The following ATP6V0A1 variants were observed in gnomAD, a reference collection of about 807,000 sequenced individuals.
ATP6V0A1 encodes the protein V-type proton ATPase 116 kDa subunit a 1.
In ATP6V0A1, 43 loss-of-function variants were observed where a neutral mutation model predicts 105.4. The observed-to-expected ratio is 0.41, with a 90% confidence interval of 0.32 to 0.53. ATP6V0A1 has a LOEUF of 0.53. Among genes scored for constraint, ATP6V0A1 ranks in the 20% least tolerant of loss-of-function variants. ATP6V0A1 has a pLI of 0.30. For missense variants in ATP6V0A1, 676 were observed against 1,051.1 expected, an observed-to-expected ratio of 0.64 and a Z score of 4.93; for synonymous variants, 362 against 372.8, an observed-to-expected ratio of 0.97 and a Z score of 0.33.
At chr17:42,468,128 C>T (rs1195795542) in intron 4 of ATP6V0A1, 21 bp downstream of exon 4, 1 of 1,500,576 alleles carries the variant, frequency 6.7e-7, no homozygotes, top group Admixed American at 2.0e-5. Context: ...CTGGGAAAAC[C>T]AGAAAAGTTT....
chr17:42,486,280 G>A (rs146181332), intron 9 of ATP6V0A1, among the ~76,000 whole-genome samples: 3,126 of 152,074 alleles, frequency 0.021, 50 homozygotes, highest in Non-Finnish European at 0.034. Context: ...GCATGGTGGC[G>A]CGCGCCTGTA....
chr17:42,519,666 T>C (rs2092760722), intron 21 of ATP6V0A1: 2 of 152,204 alleles, frequency 1.3e-5, no homozygotes, highest in Non-Finnish European at 2.9e-5. Context: ...TGTTGGGACG[T>C]GGGTGAATCC....
At chr17:42,482,374 TA>T (rs2089619827) in intron 8 of ATP6V0A1, among the ~76,000 whole-genome samples, 1 of 151,754 alleles carries the variant, frequency 6.6e-6, no homozygotes, top group African/African-American at 2.4e-5. Flanking sequence ...CTTAAACTCC[TA>T]GACTCAAGCA....
At chr17:42,460,807 G>A in intron 1 of ATP6V0A1, 41 bp from the exon 2 acceptor site, 3 of 1,067,216 alleles carry the variant, frequency 2.8e-6, no homozygotes, top group Non-Finnish European at 4.3e-6. Flanking sequence ...CTTAGCCCTC[G>A]TGGTAATTTC....
chr17:42,477,604 A>G (rs1420225808), intron 5 of ATP6V0A1, 56 bp from the exon 6 acceptor site: 3 of 1,587,488 alleles, frequency 1.9e-6, no homozygotes, highest in African/African-American at 1.3e-5. Context: ...GCCACTAACT[A>G]TTTTCATTAG....
intron 21 of ATP6V0A1, chr17:42,520,264 G>A (rs2092784620): frequency 2.8e-6 from 1 of 360,598 alleles, no homozygotes; most frequent in Non-Finnish European, 5.5e-6. Flanking sequence ...TGGTTTGGTT[G>A]CTGGGCAGCT....
chr17:42,495,026 G>A lies in ATP6V0A1; in HGVS notation c.1315-8G>A, dbSNP rs376669289. 1.2e-6 allele frequency: 2 copies of A among 1,611,738 alleles called. No individual in the cohort carries two copies. Among genetic ancestry groups the A allele is most frequent in the African/African-American group, 2.7e-5 (2 of 74,790 alleles). ...ACATTCTCATTACTTCTTTCTTCTGGTTCCCAGATGTTTAGCACTGTGTTC... is the reference window on the plus strand; with the variant it reads ...ACATTCTCATTACTTCTTTCTTCTGATTCCCAGATGTTTAGCACTGTGTTC... On this transcript the variant is annotated splice_polypyrimidine_tract_variant and splice_region_variant and intron_variant, in intron 12 of 21. Transcript: ENST00000343619.
At chr17:42,479,345 T>C (rs926643503) in intron 7 of ATP6V0A1, among the ~76,000 whole-genome samples, 1 of 152,252 alleles carries the variant, frequency 6.6e-6, no homozygotes, top group Non-Finnish European at 1.5e-5. Flanking sequence ...AGTTTAAGAA[T>C]AGATATCGCA....
intron 21 of ATP6V0A1, among the ~76,000 whole-genome samples, chr17:42,515,782 C>T (rs1476151179): frequency 6.6e-6 from 1 of 152,090 alleles, no homozygotes; most frequent in Non-Finnish European, 1.5e-5. Context: ...GAGTGAAACT[C>T]GGTCTCAAAA....
rs751503443 is a variant in ATP6V0A1, at chr17:42,477,654, C to T, written c.424-6C>T. On this transcript the variant is annotated splice_region_variant and splice_polypyrimidine_tract_variant and intron_variant, in intron 5 of 21. Transcript: ENST00000343619. ...GTGAATTCAGGCTGAATTGCATCAT[C>T]AGCAGATGGCGGATCCAGACTTGTT... The T allele has an allele frequency of 1.2e-6, 2 of 1,613,578 alleles. No individual in the cohort carries two copies. The highest frequency in any genetic ancestry group is 1.1e-5 in the South Asian group (1 of 90,972).
chr17:42,497,402 G>A (rs1393732372), intron 14 of ATP6V0A1, among the ~76,000 whole-genome samples: 1 of 151,880 alleles, frequency 6.6e-6, no homozygotes, highest in Non-Finnish European at 1.5e-5. Flanking sequence ...GCTGGGCACG[G>A]TGGCTCACAC....
chr17:42,508,730 C>A, intron 19 of ATP6V0A1, 141 bp downstream of exon 19: 3 of 1,164,252 alleles, frequency 2.6e-6, no homozygotes, highest in South Asian at 1.4e-5. Context: ...CATTTCAAAC[C>A]AGTTCGTGAG....
chr17:42,473,489 G>A (rs1377675464), intron 5 of ATP6V0A1, among the ~76,000 whole-genome samples: 1 of 152,206 alleles, frequency 6.6e-6, no homozygotes, highest in Non-Finnish European at 1.5e-5. Context: ...GCTCACAGAT[G>A]TGTGCTTTTC....
chr17:42,495,014 T>G lies in ATP6V0A1; in HGVS notation c.1315-20T>G. 1 of 1,610,532 alleles carries G rather than the reference T, an allele frequency of 6.2e-7. No individual in the cohort carries two copies. Among genetic ancestry groups the G allele is most frequent in the South Asian group, 1.1e-5 (1 of 91,018 alleles). ...GCTGCAGTGAGTACATTCTCATTAC[T>G]TCTTTCTTCTGGTTCCCAGATGTTT... is the stretch of plus-strand genomic sequence containing the variant. On this transcript the variant is annotated intron_variant, in intron 12 of 21. Coordinates refer to ENST00000343619, the MANE Select transcript of ATP6V0A1 (RefSeq NM_001130021.3).
Position 42,495,752 on chromosome 17 carries a change from T to A in ATP6V0A1, c.1560+36T>A, listed in dbSNP as rs778777037. 1.3e-5 allele frequency: 20 copies of A among 1,508,854 alleles called. No individual in the cohort carries two copies. The African/African-American group carries it at 2.3e-4, about 18-fold the overall frequency. The allele number at this position is 1,508,854 out of a possible 1,614,324, so 93.5% of individuals were successfully genotyped here. ...TTCCTTCCTATATGCTAACCTCAAA[T>A]TTTTTAACACTAACCCTGAAGCAAG... is the stretch of plus-strand genomic sequence containing the variant. On this transcript the variant is annotated intron_variant, in intron 14 of 21. Coordinates refer to ENST00000343619, the MANE Select transcript of ATP6V0A1 (RefSeq NM_001130021.3).
intron 19 of ATP6V0A1, 35 bp from the exon 20 acceptor site, chr17:42,513,826 C>A (rs779637203): frequency 2.5e-6 from 4 of 1,588,704 alleles, no homozygotes; most frequent in Non-Finnish European, 2.6e-6. Flanking sequence ...CCCCTCCTAG[C>A]CTTATATCTT....
chr17:42,514,571 G>C (rs2146308498), intron 21 of ATP6V0A1, 111 bp downstream of exon 21: 1 of 1,167,526 alleles, frequency 8.6e-7, no homozygotes, highest in East Asian at 2.6e-5. Context: ...GGAAAGATGA[G>C]CTGGCCCTGC....
At chr17:42,461,788 C>A (rs571268333) in intron 2 of ATP6V0A1, among the ~76,000 whole-genome samples, 112 of 151,984 alleles carry the variant, frequency 7.4e-4, no homozygotes, top group African/African-American at 1.9e-3. Flanking sequence ...ACAACAACAA[C>A]AAAAAACTTG....
intron 2 of ATP6V0A1, among the ~76,000 whole-genome samples, chr17:42,461,669 G>A (rs2086418410): frequency 6.6e-6 from 1 of 152,174 alleles, no homozygotes; most frequent in Non-Finnish European, 1.5e-5. Context: ...CACTCGGGAG[G>A]CCGAGGCAGG....
Sources: gnomAD v4.1 joint callset for allele counts (sites outside exome capture counted in the v4.1 genomes callset) on GRCh38, gnomAD v4.1.1 for gene constraint, MANE v1.5 for transcripts, NCBI Gene and HGNC (gene_info 2026-07-23, HGNC 2026-07-21) for gene names.